Variants in CNTNAP5 observed in about 807,000 individuals in gnomAD.
CNTNAP5 encodes contactin associated protein family member 5, also known as contactin-associated protein-like 5.
A neutral mutation model predicts 150.2 loss-of-function variants in CNTNAP5; 72 were observed. The observed-to-expected ratio is 0.48, with a 90% CI of 0.40 to 0.58. The LOEUF (loss-of-function observed/expected upper bound fraction) is 0.58, where lower values mean the gene tolerates loss of function less well. Among genes scored for constraint, CNTNAP5 ranks in the 20% least tolerant of loss-of-function variants. The pLI is 0.00. For synonymous variants in CNTNAP5, 672 were observed against 619.8 expected, an observed-to-expected ratio of 1.08 and a Z score of -1.25; for missense variants, 1,636 against 1,626.2, an observed-to-expected ratio of 1.01 and a Z score of -0.10.
At chr2:124,563,461 A>G (rs746649409) in intron 11 of CNTNAP5, 138 bp downstream of exon 11, 53 of 610,276 alleles carry the variant, frequency 8.7e-5, no homozygotes, top group Admixed American at 7.6e-4. Context: ...AGGTTATTAT[A>G]TACCAAACAC....
At chr2:124,662,764 C>A (rs907571021) in intron 13 of CNTNAP5, among the ~76,000 whole-genome samples, 9 of 152,212 alleles carry the variant, frequency 5.9e-5, no homozygotes, top group Non-Finnish European at 4.4e-5. Flanking sequence ...TGTTTGCCAA[C>A]TAGAACATAC....
intron 3 of CNTNAP5, among the ~76,000 whole-genome samples, chr2:124,413,341 G>A (rs1042257328): frequency 6.6e-6 from 1 of 151,284 alleles, no homozygotes; most frequent in Non-Finnish European, 1.5e-5. Context: ...CAGGGATCTA[G>A]AACTAGAAAT....
Position 124,417,515 on chromosome 2 carries a change from G to A in CNTNAP5, c.454G>A (p.Val152Ile). Residue 152 changes from valine (V) to isoleucine (I), a missense_variant, in exon 4 of 24, where the codon GTT (valine) becomes ATT (isoleucine). Transcript: ENST00000682447. ...ATTGCACTCAGTGAGAGCCCGATTT[G>A]TTCGCTTTGTGCCCCTGGAATGGAA... The part of the protein sequence containing the change: ...KLLHSVRARF[V>I]RFVPLEWNPS... The A allele has an allele frequency of 6.2e-7, 1 of 1,613,870 alleles. No homozygotes were observed. The highest frequency in any genetic ancestry group is 8.5e-7 in the Non-Finnish European group (1 of 1,179,840).
At chr2:124,208,564 A>G (rs1247813674) in intron 1 of CNTNAP5, among the ~76,000 whole-genome samples, 2 of 152,192 alleles carry the variant, frequency 1.3e-5, no homozygotes, top group East Asian at 1.9e-4. Context: ...GTGAGAAAAT[A>G]TCTTTCTAGA....
chr2:124,730,031 A>G (rs1680238313), intron 13 of CNTNAP5, among the ~76,000 whole-genome samples: 1 of 152,122 alleles, frequency 6.6e-6, no homozygotes, highest in Non-Finnish European at 1.5e-5. Flanking sequence ...GTTTGCTAGC[A>G]TCAGACTTGA....
intron 2 of CNTNAP5, among the ~76,000 whole-genome samples, chr2:124,236,389 C>T (rs192049749): frequency 1.4e-4 from 22 of 152,302 alleles, no homozygotes; most frequent in Admixed American, 2.6e-4. Context: ...AAAGATTACG[C>T]CCAGGGTTCT....
chr2:124,197,988 A>T (rs1236474678), intron 1 of CNTNAP5, among the ~76,000 whole-genome samples: 1 of 148,650 alleles, frequency 6.7e-6, no homozygotes, highest in African/African-American at 2.5e-5. Context: ...AAAAAAAAAT[A>T]ATAAAAATAA....
intron 6 of CNTNAP5, among the ~76,000 whole-genome samples, chr2:124,474,201 C>T (rs6541954): frequency 0.98 from 149,043 of 152,166 alleles, 73,077 homozygotes; most frequent in East Asian, 1. Context: ...AATTTCATCA[C>T]ATTGATTCTT....
intron 12 of CNTNAP5, among the ~76,000 whole-genome samples, chr2:124,632,220 G>A (rs971782616): frequency 2.6e-5 from 4 of 152,088 alleles, no homozygotes; most frequent in Non-Finnish European, 5.9e-5. Context: ...CCAGTGGAAT[G>A]TAAATTATTC....
intron 11 of CNTNAP5, among the ~76,000 whole-genome samples, chr2:124,590,172 C>T (rs908914245): frequency 1.3e-5 from 2 of 152,048 alleles, no homozygotes; most frequent in East Asian, 3.9e-4. Context: ...CTTCTAGAAC[C>T]ATAAAAAAAT....
At chr2:124,540,992 G>C (rs1005332216) in intron 10 of CNTNAP5, among the ~76,000 whole-genome samples, 3 of 151,972 alleles carry the variant, frequency 2.0e-5, no homozygotes, top group Non-Finnish European at 2.9e-5. Context: ...TTATCTTCAG[G>C]CTCTACAAAA....
At chr2:124,108,391 A>C (rs866045916) in intron 1 of CNTNAP5, among the ~76,000 whole-genome samples, 1 of 152,094 alleles carries the variant, frequency 6.6e-6, no homozygotes, top group African/African-American at 2.4e-5. Flanking sequence ...AAATAGGCTT[A>C]CCCTTCTACT....
intron 1 of CNTNAP5, among the ~76,000 whole-genome samples, chr2:124,149,683 A>G (rs983590770): frequency 1.3e-5 from 2 of 152,224 alleles, no homozygotes; most frequent in Non-Finnish European, 2.9e-5. Flanking sequence ...AGCAGCGCCA[A>G]TCCGAGTGAG....
chr2:124,862,256 A>G lies in CNTNAP5; in HGVS notation c.3218-3050A>G, dbSNP rs1007854496. On this transcript the variant is annotated intron_variant, in intron 19 of 23. Coordinates refer to ENST00000682447, the MANE Select transcript of CNTNAP5 (RefSeq NM_001367498.1). ...CTTTATAGTGTAGCAATGTTAATAT[A>G]TAAACAACAAGAAAATGATACCAAA... Among the ~76,000 whole-genome samples the G allele has an allele frequency of 3.3e-5, 5 of 152,366 alleles. No individual in the cohort carries two copies. In the East Asian group the frequency reaches 9.6e-4, roughly 29 times the overall value.
intron 7 of CNTNAP5, among the ~76,000 whole-genome samples, chr2:124,499,299 A>G (rs1414547179): frequency 6.6e-6 from 1 of 152,202 alleles, no homozygotes; most frequent in Non-Finnish European, 1.5e-5. Context: ...GTAGCTAATT[A>G]TTACAAGGCA....
intron 3 of CNTNAP5, among the ~76,000 whole-genome samples, chr2:124,395,653 T>C (rs1197206060): frequency 6.6e-6 from 1 of 152,154 alleles, no homozygotes; most frequent in Non-Finnish European, 1.5e-5. Flanking sequence ...TCATACTTCA[T>C]GCTAGAACTG....
At chr2:124,377,383 A>G (rs1690675873) in intron 3 of CNTNAP5, among the ~76,000 whole-genome samples, 1 of 152,092 alleles carries the variant, frequency 6.6e-6, no homozygotes, top group Non-Finnish European at 1.5e-5. Context: ...TGTAGATAAA[A>G]GTTTTATTAG....
At chr2:124,026,088 T>A (rs1299461708) in intron 1 of CNTNAP5, among the ~76,000 whole-genome samples, 1 of 152,190 alleles carries the variant, frequency 6.6e-6, no homozygotes. Context: ...GAGCTGAGCT[T>A]CCTGGGATGG....
chr2:124,084,062 GT>G (rs1682622305), intron 1 of CNTNAP5, among the ~76,000 whole-genome samples: 1 of 151,636 alleles, frequency 6.6e-6, no homozygotes, highest in Non-Finnish European at 1.5e-5. Context: ...CTTTTTATCA[GT>G]GTTTTGTAGT....
Sources: gnomAD v4.1 joint callset for allele counts (sites outside exome capture counted in the v4.1 genomes callset) on GRCh38, gnomAD v4.1.1 for gene constraint, MANE v1.5 for transcripts, NCBI Gene and HGNC (gene_info 2026-07-23, HGNC 2026-07-21) for gene names.